The following AGMO variants were observed in gnomAD, a reference collection of about 807,000 sequenced individuals.
AGMO encodes glyceryl-ether monooxygenase.
AGMO carries 75 observed loss-of-function variants against 60.2 expected under a neutral mutation model. That is an observed-to-expected ratio of 1.25 (90% CI 1.03 to 1.51). The LOEUF (loss-of-function observed/expected upper bound fraction) is 1.51. Ranked by LOEUF, AGMO falls within the 40% of genes most tolerant of loss-of-function variation. The probability of loss-of-function intolerance (pLI) is 0.00; values close to 1 mark genes in which losing one functional copy is unlikely to be tolerated. For missense variants in AGMO, 763 were observed against 525.5 expected, an observed-to-expected ratio of 1.45 and a Z score of -4.42; for synonymous variants, 261 against 177.1, an observed-to-expected ratio of 1.47 and a Z score of -3.76.
At chr7:15,139,554 CT>C in the AGMO span, among the ~76,000 whole-genome samples, 3 of 152,072 alleles carry the variant, frequency 2.0e-5, no homozygotes, top group Admixed American at 2.0e-4. Flanking sequence ...CTGTAGTTCC[CT>C]TTTTTGTGTT....
At chr7:15,241,828 G>A (rs548309416) in intron 12 of AGMO, among the ~76,000 whole-genome samples, 19 of 152,284 alleles carry the variant, frequency 1.2e-4, no homozygotes, top group African/African-American at 4.6e-4. Context: ...TGTAGACCAG[G>A]CTGGGCTCTT....
At chr7:15,181,808 G>A in the AGMO span, among the ~76,000 whole-genome samples, 1 of 152,164 alleles carries the variant, frequency 6.6e-6, no homozygotes, top group African/African-American at 2.4e-5. Context: ...TTACTGCATT[G>A]ATTGATAGTG....
chr7:15,161,499 CATAT>C, the AGMO span, among the ~76,000 whole-genome samples: 10 of 151,328 alleles, frequency 6.6e-5, no homozygotes, highest in Non-Finnish European at 1.2e-4. Context: ...TAAATACACA[CATAT>C]GTCATATATG....
intron 12 of AGMO, among the ~76,000 whole-genome samples, chr7:15,242,370 T>C (rs779922118): frequency 1.3e-5 from 2 of 152,190 alleles, no homozygotes; most frequent in African/African-American, 2.4e-5. Context: ...ATTCCATCCA[T>C]AGACAAGTAC....
At chr7:15,166,232 T>A in the AGMO span, among the ~76,000 whole-genome samples, 1 of 152,034 alleles carries the variant, frequency 6.6e-6, no homozygotes, top group African/African-American at 2.4e-5. Flanking sequence ...GGCTGCTCTA[T>A]TAAGGGGAAT....
At chr7:15,260,212 G>A (rs1334039716) in intron 12 of AGMO, among the ~76,000 whole-genome samples, 142 of 109,922 alleles carry the variant, frequency 1.3e-3, no homozygotes, top group African/African-American at 2.8e-3. Context: ...ACAGAGCGAG[G>A]AAAAAAAAAA....
chr7:15,219,687 G>A (rs1244804614), intron 12 of AGMO, among the ~76,000 whole-genome samples: 1 of 152,052 alleles, frequency 6.6e-6, no homozygotes, highest in Non-Finnish European at 1.5e-5. Flanking sequence ...GGCTAAGTGG[G>A]TAAGTGGATG....
At chr7:15,120,129 A>G in the AGMO span, among the ~76,000 whole-genome samples, 2 of 151,954 alleles carry the variant, frequency 1.3e-5, no homozygotes, top group African/African-American at 2.4e-5. Flanking sequence ...AAAAACAAAA[A>G]CCAAAAAAGA....
chr7:15,406,338 A>G (rs1001355601), intron 5 of AGMO, among the ~76,000 whole-genome samples: 1 of 142,500 alleles, frequency 7.0e-6, no homozygotes, highest in Non-Finnish European at 1.5e-5. Context: ...TGGAATATAC[A>G]TATATATGTG....
intron 2 of AGMO, among the ~76,000 whole-genome samples, chr7:15,555,523 G>A (rs935468404): frequency 4.0e-5 from 6 of 151,538 alleles, no homozygotes; most frequent in Admixed American, 6.6e-5. Context: ...TACCTTTACC[G>A]TCTGCAAACA....
the AGMO span, among the ~76,000 whole-genome samples, chr7:15,186,145 G>A: frequency 4.6e-5 from 7 of 152,090 alleles, no homozygotes; most frequent in Non-Finnish European, 8.8e-5. Context: ...CAACTCTAAG[G>A]CTGGTTATTG....
At chr7:15,283,720 A>G (rs934553333) in intron 12 of AGMO, among the ~76,000 whole-genome samples, 2 of 152,102 alleles carry the variant, frequency 1.3e-5, no homozygotes, top group Non-Finnish European at 2.9e-5. Context: ...TACACTCTAG[A>G]ACAACTGGAC....
chr7:15,464,014 G>C (rs1782213545), intron 3 of AGMO, among the ~76,000 whole-genome samples: 1 of 152,162 alleles, frequency 6.6e-6, no homozygotes, highest in Admixed American at 6.5e-5. Context: ...TCATGAGAAA[G>C]TTATTGACCA....
intron 10 of AGMO, among the ~76,000 whole-genome samples, chr7:15,367,331 T>C (rs576009861): frequency 2.0e-5 from 3 of 152,122 alleles, no homozygotes; most frequent in African/African-American, 7.2e-5. Flanking sequence ...ATTTAATTTA[T>C]ATATTAAAAT....
At chr7:15,233,566 C>T (rs1782323286) in intron 12 of AGMO, among the ~76,000 whole-genome samples, 1 of 151,444 alleles carries the variant, frequency 6.6e-6, no homozygotes, top group Non-Finnish European at 1.5e-5. Flanking sequence ...TTTTTTCCCC[C>T]CTTTGGATGA....
At chr7:15,142,638 C>A in the AGMO span, among the ~76,000 whole-genome samples, 1 of 152,120 alleles carries the variant, frequency 6.6e-6, no homozygotes, top group Admixed American at 6.5e-5. Flanking sequence ...AGCTTTAAGA[C>A]CTCAAATAGC....
At chr7:15,427,627 A>G (rs1469509570) in intron 4 of AGMO, among the ~76,000 whole-genome samples, 1 of 152,220 alleles carries the variant, frequency 6.6e-6, no homozygotes, top group Non-Finnish European at 1.5e-5. Flanking sequence ...ATGAAGTTAT[A>G]ATCCTGATAC....
At chr7:15,540,183 CAT>C (rs1784589231) in intron 3 of AGMO, among the ~76,000 whole-genome samples, 1 of 152,260 alleles carries the variant, frequency 6.6e-6, no homozygotes, top group South Asian at 2.1e-4. Context: ...GAGTCCCACA[CAT>C]GTACTCATAC....
downstream of AGMO, among the ~76,000 whole-genome samples, chr7:15,199,987 CCATT>C (rs1269738318): frequency 6.6e-6 from 1 of 152,030 alleles, no homozygotes. Flanking sequence ...ATATTTTTGT[CCATT>C]CAAAGATTAA....
Sources: gnomAD v4.1 joint callset for allele counts (sites outside exome capture counted in the v4.1 genomes callset) on GRCh38, gnomAD v4.1.1 for gene constraint, MANE v1.5 for transcripts, NCBI Gene and HGNC (gene_info 2026-07-23, HGNC 2026-07-21) for gene names.